NRXN3: variants seen among roughly 807,000 people sequenced by gnomAD.
NRXN3 encodes neurexin 3, also known as neurexin III.
In NRXN3, 32 loss-of-function variants were observed where a neutral mutation model predicts 137.6. That is an observed-to-expected ratio of 0.23 (90% CI 0.18 to 0.31). The LOEUF (loss-of-function observed/expected upper bound fraction) is 0.31. NRXN3 is among the 10% of genes least tolerant of loss of function. NRXN3 has a pLI of 1.00. For synonymous variants in NRXN3, 798 were observed against 784.5 expected (o/e 1.02, Z -0.29); for missense variants, 1,574 against 2,062.5 (o/e 0.76, Z 4.59).
chr14:78,900,354 T>C (rs1347967645), intron 10 of NRXN3, among the ~76,000 whole-genome samples: 1 of 151,924 alleles, frequency 6.6e-6, no homozygotes, highest in Admixed American at 6.6e-5. Context: ...CCTAGTGAGT[T>C]TGTGGCTTCA....
At chr14:79,853,463 G>A (rs1199191692) in intron 20 of NRXN3, 1 of 746,878 alleles carries the variant, frequency 1.3e-6, no homozygotes, top group African/African-American at 1.8e-5. Flanking sequence ...CAGTGTTAGA[G>A]TTCTGTTCTT....
chr14:78,684,457 G>A lies in NRXN3; in HGVS notation c.1222-24760G>A, dbSNP rs114722605. On this transcript the variant is annotated intron_variant, in intron 6 of 20. Transcript: ENST00000335750. ...ATTTCTTCTGAGACACCCCTTTCCA[G>A]GAGACACGGAAGTCAGGTCTACTTG... Among the ~76,000 whole-genome samples, 848 of 152,248 alleles carry A rather than the reference G, an allele frequency of 5.6e-3. 8 individuals are homozygous for A. Among genetic ancestry groups the A allele is most frequent in the African/African-American group, 0.019 (796 of 41,550 alleles).
intron 4 of NRXN3, among the ~76,000 whole-genome samples, chr14:78,552,842 A>G (rs1400349693): frequency 6.6e-6 from 1 of 152,206 alleles, no homozygotes; most frequent in Non-Finnish European, 1.5e-5. Context: ...CAAAATAGCT[A>G]GAAGAGAATA....
chr14:79,473,178 C>G (rs748030614), intron 16 of NRXN3, among the ~76,000 whole-genome samples: 22 of 152,070 alleles, frequency 1.4e-4, no homozygotes, highest in Non-Finnish European at 2.9e-4. Context: ...GCTGTCCAGA[C>G]TGACCCCCAT....
At chr14:79,176,721 C>T (rs2062378880) in intron 15 of NRXN3, among the ~76,000 whole-genome samples, 1 of 152,144 alleles carries the variant, frequency 6.6e-6, no homozygotes, top group South Asian at 2.1e-4. Flanking sequence ...TATTACTGCC[C>T]TCATAATATC....
intron 20 of NRXN3, among the ~76,000 whole-genome samples, chr14:79,806,975 T>A (rs1383080020): frequency 2.3e-4 from 23 of 100,678 alleles, no homozygotes; most frequent in Non-Finnish European, 3.3e-4. Context: ...TTTTTTTTTT[T>A]TTTTTTTTTT....
At chr14:78,211,430 C>T (rs904094549) in intron 1 of NRXN3, among the ~76,000 whole-genome samples, 3 of 152,232 alleles carry the variant, frequency 2.0e-5, no homozygotes, top group Non-Finnish European at 1.5e-5. Context: ...TAGAGTTTCA[C>T]CCCCTCCTCT....
At chr14:79,460,014 A>T (rs2096308853) in intron 15 of NRXN3, among the ~76,000 whole-genome samples, 1 of 152,120 alleles carries the variant, frequency 6.6e-6, no homozygotes, top group Admixed American at 6.6e-5. Context: ...TTTGTGATAT[A>T]ACAGCTTCTA....
chr14:78,304,852 G>C (rs140914939), intron 4 of NRXN3, among the ~76,000 whole-genome samples: 6 of 152,274 alleles, frequency 3.9e-5, no homozygotes, highest in Non-Finnish European at 8.8e-5. Context: ...TCGCTGCCAT[G>C]CAAGGATGCA....
At chr14:78,461,020 A>G (rs1567657789) in intron 4 of NRXN3, among the ~76,000 whole-genome samples, 1 of 152,228 alleles carries the variant, frequency 6.6e-6, no homozygotes, top group Non-Finnish European at 1.5e-5. Flanking sequence ...TGAGAGACAT[A>G]TATTCAAAGA....
chr14:79,610,145 G>T (rs2098081463), intron 16 of NRXN3, among the ~76,000 whole-genome samples: 1 of 152,076 alleles, frequency 6.6e-6, no homozygotes, highest in Admixed American at 6.6e-5. Context: ...GTATAATAAT[G>T]ATATGGATAT....
intron 1 of NRXN3, among the ~76,000 whole-genome samples, chr14:78,189,017 G>A (rs1473396799): frequency 6.6e-6 from 1 of 151,968 alleles, no homozygotes; most frequent in African/African-American, 2.4e-5. Context: ...GCCCCAATCT[G>A]CTCCTCCCAG....
chr14:79,225,185 T>C (rs2070606874), intron 15 of NRXN3, among the ~76,000 whole-genome samples: 1 of 152,192 alleles, frequency 6.6e-6, no homozygotes, highest in African/African-American at 2.4e-5. Flanking sequence ...GATGTTGGTG[T>C]TGCTGCCAGT....
intron 8 of NRXN3, among the ~76,000 whole-genome samples, chr14:78,738,772 G>T (rs1351116781): frequency 6.6e-6 from 1 of 151,808 alleles, no homozygotes; most frequent in East Asian, 1.9e-4. Context: ...CTGTGGTGAG[G>T]GGTGGGGGGG....
At chr14:79,538,202 A>C (rs1029830333) in intron 16 of NRXN3, among the ~76,000 whole-genome samples, 1 of 152,198 alleles carries the variant, frequency 6.6e-6, no homozygotes. Context: ...GCCCTTTGTC[A>C]GATGAGTAGA....
intron 4 of NRXN3, among the ~76,000 whole-genome samples, chr14:78,466,777 T>G (rs1199276725): frequency 6.6e-6 from 1 of 152,196 alleles, no homozygotes; most frequent in African/African-American, 2.4e-5. Context: ...CTTCTCTATT[T>G]CCTTATCCAT....
In NRXN3 at chr14:79,469,376, A is replaced by AAAATGG. The variant is rs535659557; in HGVS notation, c.3444+1974_3444+1975insAAATGG. 6.7e-3 allele frequency among the ~76,000 whole-genome samples: 1,026 copies of AAAATGG among 152,302 alleles called. 8 individuals carry two copies. Among genetic ancestry groups the AAAATGG allele is most frequent in the Non-Finnish European group, 0.011 (715 of 68,018 alleles). On this transcript the variant is annotated intron_variant, in intron 16 of 20. Transcript: ENST00000335750. ...CTAGGAGGAACCAGAACATTCCAGT[A>AAAATGG]TATTTTAATATACCATTATAAAGCT...
chr14:78,854,397 C>T (rs1446632985), intron 10 of NRXN3, among the ~76,000 whole-genome samples: 1 of 151,862 alleles, frequency 6.6e-6, no homozygotes, highest in Non-Finnish European at 1.5e-5. Context: ...TTTAATTGCA[C>T]AAAATTCTAT....
chr14:78,915,887 A>G (rs1474015903), intron 10 of NRXN3, among the ~76,000 whole-genome samples: 1 of 152,168 alleles, frequency 6.6e-6, no homozygotes, highest in Non-Finnish European at 1.5e-5. Flanking sequence ...TCTTGAAAAT[A>G]GAGTCTTTAA....
Sources: allele counts gnomAD v4.1 joint callset (sites outside exome capture counted in the v4.1 genomes callset), GRCh38; gene constraint gnomAD v4.1.1; transcripts MANE v1.5; gene names NCBI Gene and HGNC (gene_info 2026-07-23, HGNC 2026-07-21).